Variants in ERBIN observed in about 807,000 individuals in gnomAD.
The protein encoded by ERBIN is densin-180-like protein.
ERBIN carries 60 observed loss-of-function variants against 158.4 expected under a neutral mutation model. The observed-to-expected ratio is 0.38, with a 90% CI of 0.31 to 0.47. The LOEUF is 0.47. Ranked by LOEUF, ERBIN falls within the 20% of genes least tolerant of loss-of-function variation. The probability of loss-of-function intolerance (pLI) is 0.99; values close to 1 mark genes in which losing one functional copy is unlikely to be tolerated. For synonymous variants in ERBIN, 594 were observed against 557.2 expected (o/e 1.07, Z -0.93); for missense variants, 1,610 against 1,648.0 (o/e 0.98, Z 0.40).
chr5:66,025,613 C>T, intron 11 of ERBIN, 61 bp downstream of exon 11: 6 of 1,271,818 alleles, frequency 4.7e-6, no homozygotes, highest in Admixed American at 1.9e-5. Flanking sequence ...GCATGCCATA[C>T]ATATTTTCAG....
chr5:66,052,087 C>G (rs1389729060), intron 20 of ERBIN, among the ~76,000 whole-genome samples: 1 of 151,708 alleles, frequency 6.6e-6, no homozygotes, highest in Non-Finnish European at 1.5e-5. Flanking sequence ...GTCCCAGCTA[C>G]TCGAGAGGCC....
rs774967294 is a variant in ERBIN at position 66,054,545 on chromosome 5, G to A, written c.3227G>A (p.Arg1076Gln). 2.9e-5 allele frequency: 46 copies of A among 1,613,982 alleles called. 1 individual carries two copies. Among genetic ancestry groups the A allele is most frequent in the African/African-American group, 2.7e-4 (20 of 74,880 alleles). Residue 1076 changes from arginine to glutamine, a missense_variant, in exon 21 of 26, where the codon CGA becomes CAA. Physicochemically the swap from Arg to Gln is conservative, Grantham distance 43 (BLOSUM62 1). Around this residue, in one of 2 missense-constraint regions of ERBIN, gnomAD observed 1,014 missense variants for 936.1 expected, o/e 1.08. Transcript: ENST00000284037. Reference protein sequence around the residue: ...IPAVTRSTIQRQSSVSSTASV... With the variant: ...IPAVTRSTIQQQSSVSSTASV... ...GCAGTAACTCGAAGTACAATCCAGC[G>A]ACAAAGTAGTGTGTCCTCCACAGCC...
chr5:66,045,680 A>G (rs1174507912), intron 17 of ERBIN, among the ~76,000 whole-genome samples: 1 of 152,222 alleles, frequency 6.6e-6, no homozygotes, highest in Non-Finnish European at 1.5e-5. Flanking sequence ...AGTGAAGTCC[A>G]TAATTACTAT....
intron 4 of ERBIN, among the ~76,000 whole-genome samples, chr5:66,006,825 C>A (rs1238054769): frequency 3.3e-5 from 5 of 152,010 alleles, no homozygotes; most frequent in African/African-American, 1.2e-4. Flanking sequence ...AAATGCAAAT[C>A]AAAACCACAA....
At chr5:65,994,479 T>C (rs560334404) in intron 3 of ERBIN, among the ~76,000 whole-genome samples, 7 of 152,328 alleles carry the variant, frequency 4.6e-5, no homozygotes, top group African/African-American at 1.7e-4. Flanking sequence ...CCACTTATTT[T>C]TTTTACTAAC....
chr5:66,064,207 A>G (rs1360334179), intron 21 of ERBIN, among the ~76,000 whole-genome samples: 1 of 152,232 alleles, frequency 6.6e-6, no homozygotes, highest in Admixed American at 6.5e-5. Context: ...AAATAGGATT[A>G]AGATTAATAG....
intron 18 of ERBIN, 31 bp downstream of exon 18, chr5:66,046,569 A>G (rs754559743): frequency 1.9e-5 from 27 of 1,455,244 alleles, no homozygotes; most frequent in Non-Finnish European, 2.1e-5. Context: ...TGGAGCAACT[A>G]TAAGAACTTT....
intron 21 of ERBIN, among the ~76,000 whole-genome samples, chr5:66,059,969 T>C (rs1042843610): frequency 5.9e-5 from 9 of 152,366 alleles, no homozygotes; most frequent in Non-Finnish European, 1.0e-4. Flanking sequence ...TTTGCATCAA[T>C]GTTCATCAAG....
chr5:66,048,714 G>T lies in ERBIN; in HGVS notation c.1836G>T (p.Met612Ile). ...SSDEEMKMAE[M>I]RPPLIETSIN... Reference sequence around the variant, plus strand: ...ATGAAGAGATGAAAATGGCGGAGATGCGACCACCATTAATTGAAACCTCTA... The same window carrying T: ...ATGAAGAGATGAAAATGGCGGAGATTCGACCACCATTAATTGAAACCTCTA... Residue 612 changes from methionine to isoleucine, a missense_variant, in exon 19 of 26, where the codon ATG (methionine) becomes ATT (isoleucine). Around this residue, in one of 2 missense-constraint regions of ERBIN, gnomAD observed 596 missense variants for 711.9 expected, o/e 0.84. Transcript: ENST00000284037. The T allele has an allele frequency of 6.2e-7, 1 of 1,608,804 alleles. No individual in the cohort carries two copies. Among genetic ancestry groups the T allele is most frequent in the Non-Finnish European group, 8.5e-7 (1 of 1,177,494 alleles).
chr5:66,074,911 C>T, intron 22 of ERBIN, 113 bp from the exon 23 acceptor site: 1 of 861,018 alleles, frequency 1.2e-6, no homozygotes, highest in Non-Finnish European at 1.8e-6. Flanking sequence ...TATTGTTTGA[C>T]TTAATTAGAA....
At chr5:65,958,704 A>T (rs1392891970) in intron 1 of ERBIN, among the ~76,000 whole-genome samples, 1 of 152,182 alleles carries the variant, frequency 6.6e-6, no homozygotes, top group South Asian at 2.1e-4. Flanking sequence ...TTACTTTATG[A>T]TGGTGTGAAG....
intron 21 of ERBIN, among the ~76,000 whole-genome samples, chr5:66,065,945 A>G (rs1760944297): frequency 6.6e-6 from 1 of 152,092 alleles, no homozygotes; most frequent in Non-Finnish European, 1.5e-5. Context: ...CCAGCCTCCT[A>G]AAAATAATTT....
intron 1 of ERBIN, among the ~76,000 whole-genome samples, chr5:65,963,635 ACAT>A (rs1748178463): frequency 6.6e-6 from 1 of 152,150 alleles, no homozygotes; most frequent in South Asian, 2.1e-4. Flanking sequence ...AAACTACTTT[ACAT>A]GAAATTCTTA....
chr5:66,031,015 C>T (rs907168079), intron 14 of ERBIN, among the ~76,000 whole-genome samples: 4 of 152,156 alleles, frequency 2.6e-5, no homozygotes, highest in African/African-American at 9.7e-5. Context: ...TGGTTTAAAA[C>T]AAAAATTGTA....
intron 1 of ERBIN, among the ~76,000 whole-genome samples, chr5:65,933,401 T>C (rs1274231851): frequency 6.6e-6 from 1 of 152,202 alleles, no homozygotes; most frequent in Non-Finnish European, 1.5e-5. Flanking sequence ...CGAGTTTCTC[T>C]TTGAAGGTAT....
At position 66,024,463 on chromosome 5, in the gene ERBIN, T is replaced by C; in HGVS notation, c.817+13T>C. ...CCTGAGACTATTGGTTTGTATTGCT[T>C]TCAAATTCATGTAATTTTTATTAAA... On this transcript the variant is annotated intron_variant, in intron 10 of 25. Transcript: ENST00000284037. 6.4e-7 allele frequency: 1 copy of C among 1,572,304 alleles called. No homozygotes were observed. The highest frequency in any genetic ancestry group is 1.4e-5 in the African/African-American group (1 of 72,196).
At chr5:65,982,060 G>A (rs1750718745) in intron 1 of ERBIN, among the ~76,000 whole-genome samples, 2 of 152,190 alleles carry the variant, frequency 1.3e-5, no homozygotes, top group African/African-American at 4.8e-5. Context: ...AAGCTAAAAA[G>A]TTAAGCCTGC....
intron 4 of ERBIN, among the ~76,000 whole-genome samples, chr5:66,004,949 G>A (rs756344377): frequency 6.6e-6 from 1 of 152,206 alleles, no homozygotes; most frequent in East Asian, 1.9e-4. Context: ...GGGATTTACA[G>A]GAGCAGCTAA....
intron 4 of ERBIN, among the ~76,000 whole-genome samples, chr5:66,001,226 T>A (rs767070556): frequency 1.0e-3 from 153 of 152,188 alleles, no homozygotes; most frequent in Non-Finnish European, 1.8e-3. Flanking sequence ...TCGCTTATAT[T>A]TAAGCTCTAG....
Sources: allele counts gnomAD v4.1 joint callset (sites outside exome capture counted in the v4.1 genomes callset), GRCh38; gene constraint gnomAD v4.1.1; regional missense constraint gnomAD v4.1.1; transcripts MANE v1.5; gene names NCBI Gene and HGNC (gene_info 2026-07-23, HGNC 2026-07-21).